The following TRPC4AP variants were observed in gnomAD, a reference collection of about 807,000 sequenced individuals.
The protein encoded by TRPC4AP is short transient receptor potential channel 4-associated protein.
A neutral mutation model predicts 99.0 loss-of-function variants in TRPC4AP; 45 were observed. The observed-to-expected ratio is 0.45, with a 90% CI of 0.36 to 0.58. The LOEUF (loss-of-function observed/expected upper bound fraction) is 0.58, where lower values mean the gene tolerates loss of function less well. Among genes scored for constraint, TRPC4AP ranks in the 20% least tolerant of loss-of-function variants. The pLI, the probability that TRPC4AP is intolerant of heterozygous loss-of-function variation, is 0.00. For synonymous variants in TRPC4AP, 408 were observed against 385.8 expected (o/e 1.06, Z -0.67); for missense variants, 879 against 985.3 (o/e 0.89, Z 1.44).
intron 1 of TRPC4AP, among the ~76,000 whole-genome samples, chr20:35,090,030 G>A (rs1255208956): frequency 6.6e-6 from 1 of 150,730 alleles, no homozygotes; most frequent in African/African-American, 2.4e-5. Flanking sequence ...TAAGGTGGGA[G>A]GATCACTTGA....
intron 14 of TRPC4AP, 24 bp downstream of exon 14, chr20:35,007,526 G>A (rs1327002205): frequency 1.2e-6 from 2 of 1,612,530 alleles, no homozygotes; most frequent in Non-Finnish European, 1.7e-6. Flanking sequence ...CGGAACCCAA[G>A]ACACTGGCTG....
chr20:35,011,814 G>A (rs1209950141), intron 11 of TRPC4AP, among the ~76,000 whole-genome samples: 1 of 152,224 alleles, frequency 6.6e-6, no homozygotes, highest in Non-Finnish European at 1.5e-5. Context: ...GGTCTTGGCT[G>A]GCAAGCCACT....
chr20:35,089,215 C>CAT (rs1372203259), intron 1 of TRPC4AP, among the ~76,000 whole-genome samples: 1 of 151,598 alleles, frequency 6.6e-6, no homozygotes, highest in East Asian at 1.9e-4. Flanking sequence ...TTTATGTTTA[C>CAT]ATATATATAT....
In TRPC4AP at chr20:35,090,607, C is replaced by G. The variant is rs559254519; in HGVS notation, c.168+2007G>C. On this transcript the variant is annotated intron_variant, in intron 1 of 18. Coordinates refer to ENST00000252015, the MANE Select transcript of TRPC4AP (RefSeq NM_015638.3). ...CAGGCTGGTCTCAAACTCCTGACCT[C>G]AGATGATCCACCCGCCTCGACCTCC... Among the ~76,000 whole-genome samples, 19 of 152,222 alleles carry G rather than the reference C, an allele frequency of 1.2e-4. No individual in the cohort carries two copies. The South Asian group carries it at 3.9e-3, about 32-fold the overall frequency.
At chr20:35,018,770 ACT>A (rs1301736368) in intron 9 of TRPC4AP, among the ~76,000 whole-genome samples, 1 of 152,048 alleles carries the variant, frequency 6.6e-6, no homozygotes, top group Non-Finnish European at 1.5e-5. Flanking sequence ...ATGAAGTGCC[ACT>A]CTACCAGAGG....
intron 9 of TRPC4AP, among the ~76,000 whole-genome samples, chr20:35,017,834 C>T (rs1403877265): frequency 8.5e-5 from 13 of 152,256 alleles, no homozygotes. Flanking sequence ...TGACTATTCT[C>T]TTCCTACTAG....
intron 6 of TRPC4AP, among the ~76,000 whole-genome samples, chr20:35,047,765 G>A (rs969585591): frequency 6.6e-6 from 1 of 152,104 alleles, no homozygotes; most frequent in South Asian, 2.1e-4. Context: ...TAGACCCGAT[G>A]GACTGACTTT....
rs563497918 is a variant in TRPC4AP, at chr20:35,055,597, T to C, written c.473-566A>G. Among the ~76,000 whole-genome samples the C allele has an allele frequency of 1.1e-4, 16 of 152,356 alleles. No individual in the cohort carries two copies. The South Asian group carries it at 3.3e-3, about 32-fold the overall frequency. On this transcript the variant is annotated intron_variant, in intron 4 of 18. Coordinates refer to ENST00000252015, the MANE Select transcript of TRPC4AP (RefSeq NM_015638.3). ...ATCACAGCTCACTGTAGTCTCGAAC[T>C]CCTAGGCTCAAGCAATTTTCCCTCC... is the stretch of plus-strand genomic sequence containing the variant.
At chr20:35,083,170 T>C (rs1304750615) in intron 1 of TRPC4AP, among the ~76,000 whole-genome samples, 1 of 152,180 alleles carries the variant, frequency 6.6e-6, no homozygotes, top group African/African-American at 2.4e-5. Flanking sequence ...ATGAATAATA[T>C]AAAAATCTAT....
intron 7 of TRPC4AP, among the ~76,000 whole-genome samples, chr20:35,039,949 A>G (rs2083409260): frequency 6.6e-6 from 1 of 151,538 alleles, no homozygotes; most frequent in Admixed American, 6.6e-5. Flanking sequence ...AGCCCCAGGA[A>G]GATAGTGTAA....
chr20:35,029,040 C>T (rs2083101069), intron 8 of TRPC4AP, among the ~76,000 whole-genome samples: 2 of 152,238 alleles, frequency 1.3e-5, no homozygotes, highest in Non-Finnish European at 2.9e-5. Flanking sequence ...TCACCTGAGG[C>T]CATCTGAGAC....
chr20:35,059,530 C>T (rs773074642), intron 3 of TRPC4AP, among the ~76,000 whole-genome samples: 10 of 151,926 alleles, frequency 6.6e-5, no homozygotes, highest in South Asian at 6.2e-4. Flanking sequence ...CGTGGTGGTA[C>T]GCCTATAGTT....
At chr20:35,078,204 A>G (rs1188693515) in intron 1 of TRPC4AP, 30 bp from the exon 2 acceptor site, 2 of 1,605,354 alleles carry the variant, frequency 1.2e-6, no homozygotes, top group African/African-American at 1.3e-5. Context: ...AGAACATATT[A>G]TTGTATTATT....
At chr20:35,077,977 A>T in intron 2 of TRPC4AP, 69 bp downstream of exon 2, 1 of 1,487,892 alleles carries the variant, frequency 6.7e-7, no homozygotes. Flanking sequence ...GAAGGGAAAA[A>T]AAAAACAGCA....
intron 7 of TRPC4AP, among the ~76,000 whole-genome samples, chr20:35,036,366 T>A (rs2083317002): frequency 6.6e-6 from 1 of 152,236 alleles, no homozygotes; most frequent in Admixed American, 6.5e-5. Context: ...TTTAGGTCAC[T>A]GAGAGTAACA....
At chr20:35,023,018 C>T (rs2082931268) in intron 8 of TRPC4AP, among the ~76,000 whole-genome samples, 1 of 111,306 alleles carries the variant, frequency 9.0e-6, no homozygotes, top group Non-Finnish European at 2.0e-5. Flanking sequence ...CAGAGCTGGA[C>T]TGTCTCAAAA....
chr20:35,069,941 T>TA (rs917250493), intron 2 of TRPC4AP, among the ~76,000 whole-genome samples: 16 of 149,892 alleles, frequency 1.1e-4, no homozygotes, highest in South Asian at 2.1e-4. Context: ...ACTCTGTCAT[T>TA]AAAAAAAAAT....
intron 3 of TRPC4AP, 54 bp from the exon 4 acceptor site, chr20:35,057,625 A>C: frequency 6.8e-7 from 1 of 1,469,768 alleles, no homozygotes; most frequent in Non-Finnish European, 9.5e-7. Flanking sequence ...ATAACTTATA[A>C]AATGATTTTG....
chr20:35,087,343 A>T (rs917150762), intron 1 of TRPC4AP, among the ~76,000 whole-genome samples: 2 of 151,832 alleles, frequency 1.3e-5, no homozygotes, highest in Non-Finnish European at 2.9e-5. Context: ...CATCTCAAAA[A>T]AAAAAAAAAA....
Sources: gnomAD v4.1 joint callset for allele counts (sites outside exome capture counted in the v4.1 genomes callset) on GRCh38, gnomAD v4.1.1 for gene constraint, MANE v1.5 for transcripts, NCBI Gene and HGNC (gene_info 2026-07-23, HGNC 2026-07-21) for gene names.